The following RERE variants were observed in gnomAD, a reference collection of about 807,000 sequenced individuals.
RERE encodes arginine-glutamic acid dipeptide repeats.
RERE carries 40 observed loss-of-function variants against 146.1 expected under a neutral mutation model. The ratio of observed to expected loss-of-function variants is 0.27; its 90% confidence interval spans 0.21 to 0.36. RERE has a LOEUF of 0.36. Ranked by LOEUF, RERE falls within the 10% of genes least tolerant of loss-of-function variation. The probability of loss-of-function intolerance (pLI) is 1.00; values close to 1 mark genes in which losing one functional copy is unlikely to be tolerated. For synonymous variants in RERE, 1,003 were observed against 866.0 expected (o/e 1.16, Z -2.78); for missense variants, 1,933 against 2,138.7 (o/e 0.90, Z 1.90).
intron 4 of RERE, among the ~76,000 whole-genome samples, chr1:8,589,146 A>T (rs1325652216): frequency 6.6e-6 from 1 of 151,438 alleles, no homozygotes; most frequent in Non-Finnish European, 1.5e-5. Flanking sequence ...AACAAACAAA[A>T]ACTACTGACA....
At chr1:8,675,154 TAA>T (rs1286226699) in intron 1 of RERE, among the ~76,000 whole-genome samples, 2 of 152,152 alleles carry the variant, frequency 1.3e-5, no homozygotes, top group Non-Finnish European at 2.9e-5. Flanking sequence ...TTGCACATTC[TAA>T]AGTGACTAAC....
At chr1:8,567,925 C>T (rs1055174025) in intron 4 of RERE, among the ~76,000 whole-genome samples, 2 of 152,154 alleles carry the variant, frequency 1.3e-5, no homozygotes, top group Admixed American at 6.5e-5. Context: ...AAAAGTATCC[C>T]ACAATGTACT....
At chr1:8,686,526 G>C (rs1320523059) in intron 1 of RERE, among the ~76,000 whole-genome samples, 2 of 152,132 alleles carry the variant, frequency 1.3e-5, no homozygotes, top group Admixed American at 6.5e-5. Flanking sequence ...AAGGCGGGTG[G>C]ATCACCTGAG....
chr1:8,423,630 C>G lies in RERE; in HGVS notation c.1204-823G>C, dbSNP rs1377960809. On this transcript the variant is annotated intron_variant, in intron 11 of 22. Coordinates refer to ENST00000400908, the MANE Select transcript of RERE (RefSeq NM_001042681.2). This position sits in a 1 kb window ranked among gnomAD's most constrained non-coding sequence, Gnocchi z 5.4. ...ACAGGTAAGCGCCCGGGGTCCGGGG[C>G]GGCAAGAGGCCGTCGCCTGTCACTG... 11 of 985,004 alleles carry G rather than the reference C, an allele frequency of 1.1e-5. No individual in the cohort carries two copies. The highest frequency in any genetic ancestry group is 1.3e-5 in the Non-Finnish European group (11 of 829,808). The allele number at this position is 985,004 out of a possible 1,614,324, so 61.0% of individuals were successfully genotyped here.
intron 12 of RERE, among the ~76,000 whole-genome samples, chr1:8,418,471 C>T (rs1459839444): frequency 6.6e-6 from 1 of 152,096 alleles, no homozygotes; most frequent in Non-Finnish European, 1.5e-5. Flanking sequence ...CTTAGTTGCA[C>T]CAGAGACAAG....
At chr1:8,773,633 G>A (rs1640998920) in intron 1 of RERE, among the ~76,000 whole-genome samples, 3 of 152,210 alleles carry the variant, frequency 2.0e-5, no homozygotes, top group Admixed American at 2.0e-4. Flanking sequence ...AGACCAGCCT[G>A]ACCAACACGG....
intron 1 of RERE, among the ~76,000 whole-genome samples, chr1:8,677,673 T>C (rs868477361): frequency 2.0e-5 from 3 of 152,174 alleles, no homozygotes; most frequent in African/African-American, 7.2e-5. Flanking sequence ...TCCTTGCTAG[T>C]TTTGTAAACA....
intron 12 of RERE, among the ~76,000 whole-genome samples, chr1:8,413,854 A>C (rs927155947): frequency 6.6e-6 from 1 of 151,606 alleles, no homozygotes; most frequent in African/African-American, 2.4e-5. Context: ...TCGGGAGTTC[A>C]AGACCAGCCT....
chr1:8,623,328 G>GT (rs1646938495), intron 3 of RERE, among the ~76,000 whole-genome samples: 2 of 152,106 alleles, frequency 1.3e-5, no homozygotes, highest in African/African-American at 4.8e-5. Flanking sequence ...GCACGCACCT[G>GT]TAATCCCAGC....
chr1:8,421,496 C>G (rs1239156830), intron 12 of RERE, among the ~76,000 whole-genome samples: 2 of 152,088 alleles, frequency 1.3e-5, no homozygotes, highest in Non-Finnish European at 2.9e-5. Flanking sequence ...TCAATATGAT[C>G]CATCCTAGCA....
intron 12 of RERE, among the ~76,000 whole-genome samples, chr1:8,411,909 T>C (rs759610512): frequency 1.1e-4 from 16 of 152,178 alleles, no homozygotes; most frequent in Non-Finnish European, 2.2e-4. Context: ...CTTAATCCTA[T>C]TGTTCCACAA....
intron 4 of RERE, among the ~76,000 whole-genome samples, chr1:8,608,541 C>CAA (rs2124173108): frequency 6.6e-6 from 1 of 152,056 alleles, no homozygotes; most frequent in Admixed American, 6.6e-5. Flanking sequence ...TGAAACACCC[C>CAA]AAGAAAGGCA....
At chr1:8,379,544 G>C (rs1322845255) in intron 12 of RERE, among the ~76,000 whole-genome samples, 2 of 152,224 alleles carry the variant, frequency 1.3e-5, no homozygotes, top group Non-Finnish European at 2.9e-5. Flanking sequence ...ATCTGTGACT[G>C]TGACTGTGAT....
At chr1:8,494,460 C>T (rs1350975722) in intron 10 of RERE, among the ~76,000 whole-genome samples, 2 of 152,044 alleles carry the variant, frequency 1.3e-5, no homozygotes, top group Non-Finnish European at 2.9e-5. Flanking sequence ...GGCGTGGTGG[C>T]TCACGCCTGT....
In RERE at chr1:8,358,349, G is replaced by C. The variant is rs150854879; in HGVS notation, c.4186C>G (p.Leu1396Val). 20 of 1,612,574 alleles carry C rather than the reference G, an allele frequency of 1.2e-5. No homozygotes were observed. The African/African-American group carries it at 1.3e-4, about 11-fold the overall frequency. ...TCTGCGTGGATACGCTCGGCTGCCA[G>C]TCTGTCAGGGTAGCTCATCTCGGGC... ...LRPEMSYPDR[L>V]AAERIHAERM... The change falls in exon 20 of 23, where the codon CTG (leucine) becomes GTG (valine). Residue 1396 changes from leucine to valine, a missense_variant. Physicochemically the swap from Leu to Val is conservative, Grantham distance 32. Transcript: ENST00000400908.
chr1:8,415,448 C>G (rs1643734139), intron 12 of RERE, among the ~76,000 whole-genome samples: 1 of 152,158 alleles, frequency 6.6e-6, no homozygotes, highest in Admixed American at 6.5e-5. Context: ...TTAAAAGCCC[C>G]AAGCATACTT....
intron 7 of RERE, among the ~76,000 whole-genome samples, chr1:8,532,561 C>CAGGT (rs763637897): frequency 2.0e-4 from 30 of 152,090 alleles, no homozygotes; most frequent in Admixed American, 9.8e-4. Flanking sequence ...GCTGGGATTA[C>CAGGT]AGGTGTGCAC....
At chr1:8,502,200 G>A (rs1253225333) in intron 8 of RERE, among the ~76,000 whole-genome samples, 3 of 84,174 alleles carry the variant, frequency 3.6e-5, no homozygotes, top group Non-Finnish European at 7.1e-5. Flanking sequence ...GCCCCGTCCG[G>A]GAGGGAGGTG....
At chr1:8,660,109 T>C (rs1326002818) in intron 1 of RERE, among the ~76,000 whole-genome samples, 1 of 152,096 alleles carries the variant, frequency 6.6e-6, no homozygotes, top group Non-Finnish European at 1.5e-5. Context: ...TAATGACATA[T>C]TTATATAACC....
Sources: allele counts gnomAD v4.1 joint callset (sites outside exome capture counted in the v4.1 genomes callset), GRCh38; gene constraint gnomAD v4.1.1; non-coding constraint Gnocchi (gnomAD v3.1); transcripts MANE v1.5; gene names NCBI Gene and HGNC (gene_info 2026-07-23, HGNC 2026-07-21).